The following MTMR10 variants were observed in gnomAD, a reference collection of about 807,000 sequenced individuals.
The protein encoded by MTMR10 is myotubularin-related protein 10.
MTMR10 carries 56 observed loss-of-function variants against 88.1 expected under a neutral mutation model. The ratio of observed to expected loss-of-function variants is 0.64; its 90% CI spans 0.51 to 0.79. The LOEUF (loss-of-function observed/expected upper bound fraction) is 0.79, where lower values mean the gene tolerates loss of function less well. Among genes scored for constraint, MTMR10 ranks in the 30% least tolerant of loss-of-function variants. The pLI, the probability that MTMR10 is intolerant of heterozygous loss-of-function variation, is 0.00. For missense variants in MTMR10, 883 were observed against 924.7 expected, an observed-to-expected ratio of 0.95 and a Z score of 0.58; for synonymous variants, 380 against 340.9, an observed-to-expected ratio of 1.11 and a Z score of -1.26.
At chr15:30,925,203 C>T in the MTMR10 span, 2 of 1,614,030 alleles carry the variant, frequency 1.2e-6, no homozygotes, top group Non-Finnish European at 1.7e-6. Context: ...TATCAGCGAG[C>T]CGTGCGCCTG....
chr15:30,931,702 C>CTG, the MTMR10 span, among the ~76,000 whole-genome samples: 1 of 152,168 alleles, frequency 6.6e-6, no homozygotes, highest in Non-Finnish European at 1.5e-5. Flanking sequence ...TGAATTCCCT[C>CTG]TGTATCTTTG....
chr15:30,956,628 G>A (rs962258966), intron 9 of MTMR10, among the ~76,000 whole-genome samples: 1 of 152,192 alleles, frequency 6.6e-6, no homozygotes, highest in Non-Finnish European at 1.5e-5. Context: ...AAGGCCAGTG[G>A]GGCTAGATGA....
chr15:30,940,084 C>T lies in MTMR10; in HGVS notation c.*1386G>A. ...TGTTTTAGAAAAGGAAATAAGCTAA[C>T]TAGACACTTTACTATAAAAATTTTC... On this transcript the variant is annotated 3_prime_UTR_variant, in exon 16 of 16. Coordinates refer to ENST00000435680, the MANE Select transcript of MTMR10 (RefSeq NM_017762.3). 1 of 983,768 alleles carries T rather than the reference C, an allele frequency of 1.0e-6. No individual in the cohort carries two copies. Among genetic ancestry groups the T allele is most frequent in the Non-Finnish European group, 1.2e-6 (1 of 828,424 alleles). The allele number at this position is 983,768 out of a possible 1,614,324, so 60.9% of individuals were successfully genotyped here.
intron 5 of MTMR10, 124 bp downstream of exon 5, chr15:30,974,187 TAAG>T (rs1221766335): frequency 3.6e-5 from 33 of 917,374 alleles, no homozygotes; most frequent in East Asian, 6.4e-5. Flanking sequence ...TGACTTTACT[TAAG>T]AAGATGTCTG....
At position 30,960,964 on chromosome 15, in the gene MTMR10, C is replaced by T. The variant is rs774989747; in HGVS notation, c.675G>A (p.Ser225=). 11 of 1,607,858 alleles carry T rather than the reference C, an allele frequency of 6.8e-6. No homozygotes were observed. The highest frequency in any genetic ancestry group is 3.4e-5 in the Admixed American group (2 of 59,362). ...TCCTCTTGATTTCTCTGTCCCAATC[C>T]GAGTAAGTTTCAAAGAGTGGAGTTT... ...SQKTPLFETY[S]DWDREIKRTG... is the part of the protein sequence containing the mutation. The change falls in exon 7 of 16, where the codon TCG becomes TCA. Residue 225 remains serine, a synonymous_variant. Transcript: ENST00000435680.
At chr15:30,934,150 C>CCTTT (rs1442259882), downstream of MTMR10, among the ~76,000 whole-genome samples, 2 of 152,104 alleles carry the variant, frequency 1.3e-5, no homozygotes, top group African/African-American at 4.8e-5. Flanking sequence ...ATGAGTCTAC[C>CCTTT]CTTTTATCAT....
chr15:30,921,797 G>A, the MTMR10 span, among the ~76,000 whole-genome samples: 1 of 152,192 alleles, frequency 6.6e-6, no homozygotes, highest in East Asian at 1.9e-4. Context: ...GAGGTAGGGT[G>A]TTTGTATGAG....
the MTMR10 span, among the ~76,000 whole-genome samples, chr15:30,929,766 A>T: frequency 1.5e-4 from 6 of 40,276 alleles, no homozygotes; most frequent in African/African-American, 6.1e-4. Context: ...TAATATATAA[A>T]ATATATAATA....
rs2063028031 is a variant in MTMR10, at chr15:30,940,999, G to GGTGA, written c.*467_*470dup. On this transcript the variant is annotated 3_prime_UTR_variant, in exon 16 of 16. Transcript: ENST00000435680. ...GCCCCAGAACACTGAACCTTCATCAGGTGAGTTCAATTAGAGACGACAGAA... is the reference window on the plus strand; with the variant it reads ...GCCCCAGAACACTGAACCTTCATCAGGTGAGTGAGTTCAATTAGAGACGACAGAA... 2.2e-5 allele frequency: 25 copies of GGTGA among 1,159,296 alleles called. No individual in the cohort carries two copies. Among genetic ancestry groups the GGTGA allele is most frequent in the Non-Finnish European group, 2.7e-5 (25 of 928,606 alleles). 71.8% of individuals were successfully genotyped at this position (1,159,296 alleles called of 1,614,324 possible). A position where few individuals can be genotyped will look rare whatever the true frequency, so the allele number is the denominator to read the frequency against.
At chr15:30,932,355 T>C in the MTMR10 span, among the ~76,000 whole-genome samples, 6 of 152,066 alleles carry the variant, frequency 3.9e-5, no homozygotes, top group South Asian at 1.2e-3. Context: ...TTTTGTAAAA[T>C]ATTAAGAATT....
Position 30,941,014 on chromosome 15 carries a change from A to C in MTMR10, c.*456T>G, listed in dbSNP as rs2063028687. 1.7e-6 allele frequency: 2 copies of C among 1,171,106 alleles called. No individual in the cohort carries two copies. The highest frequency in any genetic ancestry group is 3.2e-5 in the African/African-American group (2 of 61,850). 72.5% of individuals were successfully genotyped at this position (1,171,106 alleles called of 1,614,324 possible). ...ACCTTCATCAGGTGAGTTCAATTAG[A>C]GACGACAGAAAGTAACCAGAAAAAT... On this transcript the variant is annotated 3_prime_UTR_variant, in exon 16 of 16. Coordinates refer to ENST00000435680, the MANE Select transcript of MTMR10 (RefSeq NM_017762.3).
chr15:30,935,307 C>CAA (rs1370577672), downstream of MTMR10, among the ~76,000 whole-genome samples: 23 of 144,174 alleles, frequency 1.6e-4, no homozygotes, highest in African/African-American at 5.4e-4. Context: ...GACCTTGTCT[C>CAA]AAAAAAAAAG....
Position 30,941,185 on chromosome 15 carries a change from G to GA in MTMR10, c.*284dup, listed in dbSNP as rs2063035992. The GA allele has an allele frequency of 2.2e-6, 3 of 1,339,754 alleles. No homozygotes were observed. The highest frequency in any genetic ancestry group is 2.2e-5 in the Admixed American group (1 of 44,964). 83.0% of individuals were successfully genotyped at this position (1,339,754 alleles called of 1,614,324 possible). A position where few individuals can be genotyped will look rare whatever the true frequency, so the allele number is the denominator to read the frequency against. Reference sequence around the variant, plus strand: ...TCAGATAGCCTTCAGGAGGTGGTAGGAAAAATGGATGGAGACAAAAATGTA... The same window carrying GA: ...TCAGATAGCCTTCAGGAGGTGGTAGGAAAAAATGGATGGAGACAAAAATGTA... On this transcript the variant is annotated 3_prime_UTR_variant, in exon 16 of 16. Transcript: ENST00000435680.
At chr15:30,943,741 T>C in intron 14 of MTMR10, 1 of 985,398 alleles carries the variant, frequency 1.0e-6, no homozygotes, top group Non-Finnish European at 1.2e-6. Context: ...CACAGTAAAC[T>C]GAGGCAACAC....
At chr15:30,967,140 T>C (rs529869979) in intron 6 of MTMR10, among the ~76,000 whole-genome samples, 1 of 152,262 alleles carries the variant, frequency 6.6e-6, no homozygotes, top group African/African-American at 2.4e-5. Flanking sequence ...ACACAGCTGA[T>C]TTATTTTTCT....
Position 30,940,002 on chromosome 15 carries a change from AAAAG to A in MTMR10, c.*1464_*1467del, listed in dbSNP as rs1392725390. ...CAAATTTTAAAAGGCAAATAATTCAAAAAGAAACAGCTATTCAGTACATATAAAG... is the reference window on the plus strand; with the variant it reads ...CAAATTTTAAAAGGCAAATAATTCAAAAACAGCTATTCAGTACATATAAAG... On this transcript the variant is annotated 3_prime_UTR_variant, in exon 16 of 16. Coordinates refer to ENST00000435680, the MANE Select transcript of MTMR10 (RefSeq NM_017762.3). 3.9e-5 allele frequency: 38 copies of A among 976,722 alleles called. No individual in the cohort carries two copies. The highest frequency in any genetic ancestry group is 4.3e-5 in the Non-Finnish European group (35 of 822,112). 60.5% of individuals were successfully genotyped at this position (976,722 alleles called of 1,614,324 possible). A position where few individuals can be genotyped will look rare whatever the true frequency, so the allele number is the denominator to read the frequency against.
intron 4 of MTMR10, 91 bp downstream of exon 4, chr15:30,974,840 C>T (rs2029992072): frequency 4.1e-5 from 37 of 904,878 alleles, no homozygotes; most frequent in Non-Finnish European, 5.3e-5. Context: ...AGAAATAAAA[C>T]GCCAATCCAA....
intron 2 of MTMR10, among the ~76,000 whole-genome samples, chr15:30,983,923 T>C (rs1031100258): frequency 2.6e-5 from 4 of 152,100 alleles, no homozygotes; most frequent in Non-Finnish European, 5.9e-5. Flanking sequence ...GCACTCAGGA[T>C]AGGATGGGGC....
chr15:30,922,402 A>C, the MTMR10 span: 2 of 1,555,128 alleles, frequency 1.3e-6, no homozygotes, highest in Non-Finnish European at 1.7e-6. Flanking sequence ...TTTTAGAATC[A>C]ACTTTTAAAA....
Sources: gnomAD v4.1 joint callset for allele counts (sites outside exome capture counted in the v4.1 genomes callset) on GRCh38, gnomAD v4.1.1 for gene constraint, MANE v1.5 for transcripts, NCBI Gene and HGNC (gene_info 2026-07-23, HGNC 2026-07-21) for gene names.